Variants in COL28A1 observed in about 807,000 individuals in gnomAD.
COL28A1 encodes the protein collagen alpha-1(XXVIII) chain.
COL28A1 carries 161 observed loss-of-function variants against 150.2 expected under a neutral mutation model. That is an observed-to-expected ratio of 1.07 (90% CI 0.94 to 1.22). COL28A1 has a LOEUF of 1.22. Among genes scored for constraint, COL28A1 ranks in the 50% most tolerant of loss-of-function variants. The pLI, the probability that COL28A1 is intolerant of heterozygous loss-of-function variation, is 0.00. For missense variants in COL28A1, 1,617 were observed against 1,388.3 expected (o/e 1.16, Z -2.62); for synonymous variants, 552 against 469.7 (o/e 1.18, Z -2.26).
At chr7:7,406,650 A>C (rs1334834391) in intron 27 of COL28A1, among the ~76,000 whole-genome samples, 1 of 152,172 alleles carries the variant, frequency 6.6e-6, no homozygotes, top group Non-Finnish European at 1.5e-5. Flanking sequence ...ATCGGAGCTA[A>C]TACTGTCATA....
intron 27 of COL28A1, chr7:7,417,617 C>A: frequency 4.8e-6 from 2 of 418,490 alleles, no homozygotes; most frequent in Non-Finnish European, 8.3e-6. Flanking sequence ...GGGAAAGCAA[C>A]AAACCATAGA....
At chr7:7,368,237 T>C (rs1781039222) in intron 33 of COL28A1, among the ~76,000 whole-genome samples, 1 of 152,162 alleles carries the variant, frequency 6.6e-6, no homozygotes. Flanking sequence ...CTCCTTGCCT[T>C]AATACATTAA....
At position 7,381,467 on chromosome 7, in the gene COL28A1, G is replaced by C. The variant is rs1002139375; in HGVS notation, c.2205+77C>G. 6.0e-6 allele frequency: 6 copies of C among 1,002,796 alleles called. No individual in the cohort carries two copies. In the African/African-American group the frequency reaches 8.1e-5, roughly 13 times the overall value. 62.1% of individuals were successfully genotyped at this position (1,002,796 alleles called of 1,614,324 possible). ...GTAAGGGGAAGAGTGACACATATAT[G>C]AGAGTTCTTCCAAAGTTAAAGTTAA... On this transcript the variant is annotated intron_variant, in intron 28 of 34. Coordinates refer to ENST00000399429, the MANE Select transcript of COL28A1 (RefSeq NM_001037763.3).
Position 7,489,430 on chromosome 7 carries a change from C to G in COL28A1, c.1123G>C (p.Gly375Arg). 6.8e-7 allele frequency: 1 copy of G among 1,463,236 alleles called. No homozygotes were observed. The highest frequency in any genetic ancestry group is 2.3e-5 in the East Asian group (1 of 44,254). 90.6% of individuals were successfully genotyped at this position (1,463,236 alleles called of 1,614,324 possible). A position where few individuals can be genotyped will look rare whatever the true frequency, so the allele number is the denominator to read the frequency against. Residue 375 changes from glycine to arginine, a missense_variant, in exon 13 of 35, where the codon GGA (glycine) becomes CGA (arginine). Gly to Arg is a moderately radical substitution (Grantham distance 125). Transcript: ENST00000399429. ...CCAACTCCAATGGGTCCTGGAGCTC[C>G]CGGTCTTCCTTCTTGGCCTCTTTCT... Reference protein sequence around the residue: ...KGERGQEGRPGAPGPIGVGEP... With the variant: ...KGERGQEGRPRAPGPIGVGEP...
At chr7:7,503,131 G>C (rs17168311) in intron 11 of COL28A1, among the ~76,000 whole-genome samples, 15,228 of 152,122 alleles carry the variant, frequency 0.1, 872 homozygotes, top group African/African-American at 0.15. Flanking sequence ...TTTATTTCAG[G>C]CCAAATATTC....
At chr7:7,392,788 C>T (rs1391408633) in intron 27 of COL28A1, among the ~76,000 whole-genome samples, 1 of 152,102 alleles carries the variant, frequency 6.6e-6, no homozygotes, top group East Asian at 1.9e-4. Flanking sequence ...CTTGTGTATG[C>T]TTCACGAAGT....
chr7:7,453,690 A>T (rs1448367020), intron 16 of COL28A1, among the ~76,000 whole-genome samples, 182 bp from the exon 17 acceptor site: 2 of 152,196 alleles, frequency 1.3e-5, no homozygotes, highest in Non-Finnish European at 2.9e-5. Context: ...CCATATTAAT[A>T]GAAATTTTAG....
At chr7:7,376,727 A>AATAT in intron 30 of COL28A1, among the ~76,000 whole-genome samples, 1 of 151,710 alleles carries the variant, frequency 6.6e-6, no homozygotes, top group South Asian at 2.1e-4. Context: ...AAACGGAGAA[A>AATAT]ATACACCAAG....
intron 27 of COL28A1, among the ~76,000 whole-genome samples, chr7:7,388,054 T>C (rs1428091661): frequency 6.6e-6 from 1 of 152,030 alleles, no homozygotes; most frequent in East Asian, 1.9e-4. Flanking sequence ...CTGGGGTACA[T>C]GTGCAGAACA....
chr7:7,415,525 T>C (rs1784025376), intron 27 of COL28A1, among the ~76,000 whole-genome samples: 1 of 151,592 alleles, frequency 6.6e-6, no homozygotes, highest in Admixed American at 6.6e-5. Context: ...TCTAAAGAGG[T>C]TTTTCTGGTT....
At chr7:7,407,734 G>C (rs1303017962) in intron 27 of COL28A1, among the ~76,000 whole-genome samples, 2 of 152,030 alleles carry the variant, frequency 1.3e-5, no homozygotes, top group African/African-American at 4.8e-5. Context: ...ATGCAAGACG[G>C]ATTAAAGAGA....
Position 7,532,752 on chromosome 7 carries a change from C to G in COL28A1, c.124G>C (p.Gly42Arg). The change falls in exon 2 of 35, where the codon GGC becomes CGC. Residue 42 changes from glycine (G) to arginine (R), a missense_variant and splice_region_variant. Coordinates refer to ENST00000399429, the MANE Select transcript of COL28A1 (RefSeq NM_001037763.3). ...NLLARKSDVQ[G>R]SICFIDIVFI... Reference sequence around the variant, plus strand: ...AAACAAACAATTTTTTTTTTTTTACCCTGGACATCACTTTTCCTTGCAAGC... The same window carrying G: ...AAACAAACAATTTTTTTTTTTTTACGCTGGACATCACTTTTCCTTGCAAGC... 6.3e-7 allele frequency: 1 copy of G among 1,591,268 alleles called. No homozygotes were observed. The highest frequency in any genetic ancestry group is 8.5e-7 in the Non-Finnish European group (1 of 1,173,366).
chr7:7,463,984 G>T (rs1263585366), intron 15 of COL28A1, among the ~76,000 whole-genome samples: 1 of 152,052 alleles, frequency 6.6e-6, no homozygotes. Flanking sequence ...CATGCAAATG[G>T]ACACCAAAAG....
intron 2 of COL28A1, among the ~76,000 whole-genome samples, chr7:7,532,443 G>A (rs74983009): frequency 0.035 from 5,307 of 152,050 alleles, 139 homozygotes; most frequent in Non-Finnish European, 0.051. Flanking sequence ...ATGGCCTTGA[G>A]TATGCCACTC....
At position 7,532,856 on chromosome 7, in the gene COL28A1, A is replaced by G; in HGVS notation, c.20T>C (p.Val7Ala). 6.2e-7 allele frequency: 1 copy of G among 1,610,878 alleles called. No homozygotes were observed. The highest frequency in any genetic ancestry group is 1.3e-5 in the African/African-American group (1 of 74,840). Residue 7 changes from valine to alanine, a missense_variant, in exon 2 of 35, where the codon GTC becomes GCC. Val to Ala is a moderately conservative substitution (Grantham distance 64, BLOSUM62 0). Transcript: ENST00000399429. ...CGCTGACAAAAGCAGGAGATAGAAG[A>G]CAAAATATCTGTTCCACATTATGGT... MWNRYF[V>A]FYLLLLSAFT...
chr7:7,380,426 G>C (rs1023905013), intron 30 of COL28A1, among the ~76,000 whole-genome samples: 2 of 152,054 alleles, frequency 1.3e-5, no homozygotes, highest in African/African-American at 4.8e-5. Context: ...AAGCATCCGA[G>C]TGGAGTAGTC....
chr7:7,513,315 A>C lies in COL28A1; in HGVS notation c.883-2180T>G, dbSNP rs369865495. On this transcript the variant is annotated intron_variant, in intron 8 of 34. Transcript: ENST00000399429. ...CCATGACCACAAATTTGAGTCTGTT[A>C]GGCTCTCAAGTCCATGTTCTTATCA... is the stretch of plus-strand genomic sequence containing the variant. Among the ~76,000 whole-genome samples the C allele has an allele frequency of 7.9e-5, 12 of 152,356 alleles. 2 individuals are homozygous for C. Among genetic ancestry groups the C allele is most frequent in the African/African-American group, 2.6e-4 (11 of 41,596 alleles).
intron 25 of COL28A1, among the ~76,000 whole-genome samples, chr7:7,426,738 G>A (rs955141829): frequency 6.6e-6 from 1 of 152,136 alleles, no homozygotes. Context: ...CATAGTCCCT[G>A]ACAATTTTAA....
chr7:7,417,809 A>C, intron 27 of COL28A1, 50 bp downstream of exon 27: 1 of 1,495,784 alleles, frequency 6.7e-7, no homozygotes, highest in Non-Finnish European at 9.3e-7. Flanking sequence ...TCTTCTCCCA[A>C]TCACTCTGGT....
Sources: gnomAD v4.1 joint callset for allele counts (sites outside exome capture counted in the v4.1 genomes callset) on GRCh38, gnomAD v4.1.1 for gene constraint, MANE v1.5 for transcripts, NCBI Gene and HGNC (gene_info 2026-07-23, HGNC 2026-07-21) for gene names.